The following DPP10 variants were observed in gnomAD, a reference collection of about 807,000 sequenced individuals.
The protein encoded by DPP10 is inactive dipeptidyl peptidase 10.
DPP10 carries 33 observed loss-of-function variants against 120.9 expected under a neutral mutation model. The observed-to-expected ratio is 0.27, with a 90% CI of 0.21 to 0.37. The LOEUF is 0.37. Among genes scored for constraint, DPP10 ranks in the 10% least tolerant of loss-of-function variants. The pLI is 1.00. For synonymous variants in DPP10, 337 were observed against 326.1 expected, an observed-to-expected ratio of 1.03 and a Z score of -0.36; for missense variants, 816 against 942.8, an observed-to-expected ratio of 0.87 and a Z score of 1.76.
intron 1 of DPP10, among the ~76,000 whole-genome samples, chr2:115,047,101 A>G (rs1237593397): frequency 7.4e-6 from 1 of 134,510 alleles, no homozygotes; most frequent in Non-Finnish European, 1.7e-5. Flanking sequence ...TAATGATTTT[A>G]ACAGAAGTGA....
At chr2:114,763,632 G>T (rs1176347108) in intron 1 of DPP10, among the ~76,000 whole-genome samples, 1 of 152,064 alleles carries the variant, frequency 6.6e-6, no homozygotes, top group African/African-American at 2.4e-5. Context: ...GTTCCAATTG[G>T]AAAGAATCTG....
intron 5 of DPP10, among the ~76,000 whole-genome samples, chr2:115,571,645 A>T (rs1465826186): frequency 6.6e-6 from 1 of 151,596 alleles, no homozygotes; most frequent in Non-Finnish European, 1.5e-5. Context: ...CCTATCTAAG[A>T]GAGTTAAGTT....
At chr2:114,501,929 AT>A (rs1273763822) in intron 1 of DPP10, among the ~76,000 whole-genome samples, 2 of 122,502 alleles carry the variant, frequency 1.6e-5, no homozygotes, top group South Asian at 5.2e-4. Context: ...GAAGATTGAT[AT>A]TCCTTTTTTT....
At chr2:114,593,570 C>T (rs1282357457) in intron 1 of DPP10, among the ~76,000 whole-genome samples, 3 of 152,208 alleles carry the variant, frequency 2.0e-5, no homozygotes, top group East Asian at 1.9e-4. Flanking sequence ...TCATCGCAGT[C>T]GGTCTTTTAA....
intron 1 of DPP10, among the ~76,000 whole-genome samples, chr2:114,724,865 G>A (rs1291867668): frequency 6.6e-6 from 1 of 152,178 alleles, no homozygotes; most frequent in Non-Finnish European, 1.5e-5. Flanking sequence ...CTATTGTTAG[G>A]AAGTTTAGCA....
chr2:114,851,157 A>C (rs761406735), intron 1 of DPP10, among the ~76,000 whole-genome samples: 23 of 152,138 alleles, frequency 1.5e-4, no homozygotes, highest in Non-Finnish European at 2.9e-4. Flanking sequence ...GTAATCAAGA[A>C]ATTTTCTTTC....
intron 11 of DPP10, among the ~76,000 whole-genome samples, chr2:115,757,470 C>T (rs1679566541): frequency 1.3e-5 from 2 of 152,248 alleles, no homozygotes; most frequent in Admixed American, 1.3e-4. Context: ...TGCAGGGAAA[C>T]TCCCACTGTA....
chr2:115,704,356 T>C (rs906840189), intron 7 of DPP10, among the ~76,000 whole-genome samples: 2 of 152,014 alleles, frequency 1.3e-5, no homozygotes, highest in Admixed American at 6.6e-5. Context: ...TTTGGGATTC[T>C]GGCATTCCTC....
At chr2:115,274,945 A>C (rs1233351684) in intron 1 of DPP10, among the ~76,000 whole-genome samples, 2 of 152,204 alleles carry the variant, frequency 1.3e-5, no homozygotes. Flanking sequence ...CACCTCGCAC[A>C]GGGTTCTATT....
intron 5 of DPP10, among the ~76,000 whole-genome samples, chr2:115,597,154 G>C (rs1449697494): frequency 6.6e-6 from 1 of 152,092 alleles, no homozygotes; most frequent in African/African-American, 2.4e-5. Flanking sequence ...GGAGGAGACA[G>C]TGCAATGTTT....
chr2:114,968,104 A>G (rs562308394), intron 1 of DPP10, among the ~76,000 whole-genome samples: 45 of 152,306 alleles, frequency 3.0e-4, no homozygotes, highest in Admixed American at 8.5e-4. Flanking sequence ...CCTCAAAAAA[A>G]TTTGAGCCTG....
intron 1 of DPP10, among the ~76,000 whole-genome samples, chr2:114,648,382 T>C (rs185231312): frequency 2.6e-5 from 4 of 152,208 alleles, no homozygotes; most frequent in Admixed American, 2.6e-4. Flanking sequence ...AATTTCTTCT[T>C]TTTTGGAGCC....
At chr2:115,422,104 C>T (rs114582479) in intron 3 of DPP10, among the ~76,000 whole-genome samples, 96 of 151,978 alleles carry the variant, frequency 6.3e-4, no homozygotes, top group Non-Finnish European at 1.2e-3. Flanking sequence ...CTTTAACAAA[C>T]TCAAATGGAT....
intron 1 of DPP10, among the ~76,000 whole-genome samples, chr2:114,561,998 G>T (rs1351853993): frequency 6.6e-6 from 1 of 152,186 alleles, no homozygotes; most frequent in Non-Finnish European, 1.5e-5. Flanking sequence ...AAGATAACGG[G>T]TTAATTTTGA....
rs2068922083 is a variant in DPP10, at chr2:115,411,098, G to A, written c.271+67186G>A. The stretch of plus-strand genomic sequence containing the variant: ...TAATCCCAGCACTTTGGGAGGCCGA[G>A]GTGGTGGGTGGATTATGAGATCAGG... On this transcript the variant is annotated intron_variant, in intron 3 of 25. Transcript: ENST00000410059. Among the ~76,000 whole-genome samples, 6 of 152,244 alleles carry A rather than the reference G, an allele frequency of 3.9e-5. No individual in the cohort carries two copies. The South Asian group carries it at 1.2e-3, about 32-fold the overall frequency.
intron 1 of DPP10, among the ~76,000 whole-genome samples, chr2:115,264,336 A>G (rs1257675904): frequency 6.6e-6 from 1 of 152,112 alleles, no homozygotes; most frequent in Non-Finnish European, 1.5e-5. Flanking sequence ...TTTGGGCTGT[A>G]GGTTGGGTTC....
chr2:115,520,284 C>T (rs995709752), intron 4 of DPP10, among the ~76,000 whole-genome samples: 2 of 152,172 alleles, frequency 1.3e-5, no homozygotes, highest in African/African-American at 2.4e-5. Flanking sequence ...CGCCATTGCA[C>T]TCCAGCCCGG....
intron 2 of DPP10, among the ~76,000 whole-genome samples, chr2:115,337,357 G>C (rs1203589466): frequency 6.6e-6 from 1 of 151,962 alleles, no homozygotes; most frequent in Non-Finnish European, 1.5e-5. Context: ...ATTTTTGTAA[G>C]ATTGTATATT....
chr2:115,842,190 T>G, intron 25 of DPP10, 21 bp from the exon 26 acceptor site: 1 of 1,559,750 alleles, frequency 6.4e-7, no homozygotes, highest in Non-Finnish European at 8.7e-7. Flanking sequence ...TTTGAAATCT[T>G]CTTTCTCCTC....
Sources: allele counts gnomAD v4.1 joint callset (sites outside exome capture counted in the v4.1 genomes callset), GRCh38; gene constraint gnomAD v4.1.1; transcripts MANE v1.5; gene names NCBI Gene and HGNC (gene_info 2026-07-23, HGNC 2026-07-21).